NSUN6: variants seen among roughly 807,000 people sequenced by gnomAD.
NSUN6 encodes NOP2/Sun RNA methyltransferase 6.
In NSUN6, 64 loss-of-function variants were observed where a neutral mutation model predicts 58.0. That is an observed-to-expected ratio of 1.10 (90% CI 0.90 to 1.36). The LOEUF (loss-of-function observed/expected upper bound fraction) is 1.36, where lower values mean the gene tolerates loss of function less well. Among genes scored for constraint, NSUN6 ranks in the 40% most tolerant of loss-of-function variants. The pLI is 0.00. For missense variants in NSUN6, 701 were observed against 550.1 expected (o/e 1.27, Z -2.74); for synonymous variants, 231 against 193.9 (o/e 1.19, Z -1.59).
chr10:18,570,235 C>T (rs1419968191), intron 8 of NSUN6, among the ~76,000 whole-genome samples: 3 of 150,828 alleles, frequency 2.0e-5, no homozygotes, highest in Non-Finnish European at 4.4e-5. Context: ...GCATTCTATT[C>T]TCCATTCCAT....
chr10:18,551,010 G>A (rs1378229144), intron 9 of NSUN6, among the ~76,000 whole-genome samples: 1 of 152,112 alleles, frequency 6.6e-6, no homozygotes. Flanking sequence ...ATGGGCGCAA[G>A]CCACCATACT....
chr10:18,650,147 C>A (rs2059662196), intron 1 of NSUN6, among the ~76,000 whole-genome samples: 1 of 152,006 alleles, frequency 6.6e-6, no homozygotes, highest in African/African-American at 2.4e-5. Flanking sequence ...CAATTGCAAA[C>A]AAAATTAACA....
chr10:18,555,863 A>C (rs1171699689), intron 8 of NSUN6, among the ~76,000 whole-genome samples: 4 of 149,942 alleles, frequency 2.7e-5, no homozygotes, highest in East Asian at 2.1e-4. Context: ...GGAGAATGGA[A>C]TGGAATGGAG....
intron 6 of NSUN6, among the ~76,000 whole-genome samples, chr10:18,599,529 T>C (rs1048326912): frequency 2.0e-5 from 3 of 152,212 alleles, no homozygotes; most frequent in South Asian, 2.1e-4. Flanking sequence ...TTTCCAACAC[T>C]GGAGCATCAG....
At chr10:18,617,906 A>G (rs370215181) in intron 3 of NSUN6, among the ~76,000 whole-genome samples, 131 of 152,314 alleles carry the variant, frequency 8.6e-4, no homozygotes, top group African/African-American at 2.9e-3. Flanking sequence ...ATGCAGCAAG[A>G]AAGCCCTCAC....
chr10:18,638,793 G>A (rs1414805656), intron 3 of NSUN6, among the ~76,000 whole-genome samples: 1 of 152,026 alleles, frequency 6.6e-6, no homozygotes, highest in Admixed American at 6.6e-5. Flanking sequence ...GGAAAGGGCA[G>A]GGGGTGCGGG....
intron 3 of NSUN6, among the ~76,000 whole-genome samples, chr10:18,626,158 T>A (rs2058794689): frequency 6.6e-6 from 1 of 151,262 alleles, no homozygotes; most frequent in Non-Finnish European, 1.5e-5. Context: ...AACTGTGCCA[T>A]AAGGACCGAA....
At chr10:18,639,516 A>AT (rs1425562714) in intron 3 of NSUN6, among the ~76,000 whole-genome samples, 1 of 152,188 alleles carries the variant, frequency 6.6e-6, no homozygotes, top group Non-Finnish European at 1.5e-5. Flanking sequence ...AAACAAAAAA[A>AT]TTTTAAAAAC....
At position 18,618,573 on chromosome 10, in the gene NSUN6, T is replaced by C. The variant is rs186514267; in HGVS notation, c.312-2280A>G. On this transcript the variant is annotated intron_variant, in intron 3 of 10. Coordinates refer to ENST00000377304, the MANE Select transcript of NSUN6 (RefSeq NM_182543.5). ...GGCGCATGCCTGTAATCCCAGATAC[T>C]TGGAAGGCTGAGGCAGGAGAATCAC... Among the ~76,000 whole-genome samples the C allele has an allele frequency of 8.4e-4, 127 of 151,550 alleles. 2 individuals are homozygous for C. Among genetic ancestry groups the C allele is most frequent in the African/African-American group, 2.9e-3 (118 of 41,250 alleles).
intron 3 of NSUN6, among the ~76,000 whole-genome samples, chr10:18,619,178 AGTG>A: frequency 6.6e-6 from 1 of 152,328 alleles, no homozygotes. Flanking sequence ...GGACTGAATG[AGTG>A]CTGCTCCAGA....
chr10:18,597,695 G>A (rs1052872213), intron 6 of NSUN6, among the ~76,000 whole-genome samples: 2 of 152,182 alleles, frequency 1.3e-5, no homozygotes, highest in Non-Finnish European at 2.9e-5. Flanking sequence ...GAACCCAGGA[G>A]GTGGAGTTTG....
intron 3 of NSUN6, among the ~76,000 whole-genome samples, chr10:18,618,655 G>A (rs182683526): frequency 1.4e-4 from 20 of 147,530 alleles, no homozygotes; most frequent in East Asian, 1.2e-3. Context: ...GCACTCCAGC[G>A]TGGGCAATAA....
At chr10:18,585,488 A>C (rs2057089937) in intron 8 of NSUN6, among the ~76,000 whole-genome samples, 1 of 152,236 alleles carries the variant, frequency 6.6e-6, no homozygotes, top group Non-Finnish European at 1.5e-5. Context: ...AAAAGAAATT[A>C]TGTTGTTTGC....
At chr10:18,601,742 G>A (rs892579267) in intron 6 of NSUN6, among the ~76,000 whole-genome samples, 2 of 152,008 alleles carry the variant, frequency 1.3e-5, no homozygotes, top group Admixed American at 1.3e-4. Context: ...CAGGACTTCG[G>A]GAAGCTGAGG....
chr10:18,583,898 C>G (rs916123232), intron 8 of NSUN6, among the ~76,000 whole-genome samples: 1 of 152,138 alleles, frequency 6.6e-6, no homozygotes, highest in African/African-American at 2.4e-5. Context: ...TTCTCTTCTC[C>G]CCTTTCCCTA....
chr10:18,617,194 T>G (rs1220391964), intron 3 of NSUN6, among the ~76,000 whole-genome samples: 7 of 151,136 alleles, frequency 4.6e-5, no homozygotes, highest in Non-Finnish European at 1.0e-4. Flanking sequence ...AGTTTTTTTT[T>G]TTTTTTTTTT....
chr10:18,628,405 G>C (rs1354744341), intron 3 of NSUN6, among the ~76,000 whole-genome samples: 5 of 152,212 alleles, frequency 3.3e-5, no homozygotes, highest in Non-Finnish European at 5.9e-5. Context: ...GCTGGATGGA[G>C]AATGACTTTG....
intron 7 of NSUN6, 62 bp from the exon 8 acceptor site, chr10:18,586,155 G>C: frequency 7.6e-7 from 1 of 1,309,392 alleles, no homozygotes; most frequent in East Asian, 2.6e-5. Context: ...ATCCAAAGCA[G>C]TCATAAAAAT....
chr10:18,642,257 G>A (rs2059412589), intron 3 of NSUN6, among the ~76,000 whole-genome samples: 1 of 151,970 alleles, frequency 6.6e-6, no homozygotes, highest in Non-Finnish European at 1.5e-5. Context: ...GACCTAAAAT[G>A]CATTATTCTC....
Sources: allele counts gnomAD v4.1 joint callset (sites outside exome capture counted in the v4.1 genomes callset), GRCh38; gene constraint gnomAD v4.1.1; transcripts MANE v1.5; gene names NCBI Gene and HGNC (gene_info 2026-07-23, HGNC 2026-07-21).